The following IP6K1 variants were observed in gnomAD, a reference collection of about 807,000 sequenced individuals.
IP6K1 encodes the protein ATP:1D-myo-inositol-hexakisphosphate phosphotransferase.
Under a neutral mutation model 38.3 loss-of-function variants are expected in IP6K1, and 13 were observed. The ratio of observed to expected loss-of-function variants is 0.34; its 90% CI spans 0.22 to 0.54. The LOEUF (loss-of-function observed/expected upper bound fraction) is 0.54. Among genes scored for constraint, IP6K1 ranks in the 20% least tolerant of loss-of-function variants. IP6K1 has a pLI of 0.92. For synonymous variants in IP6K1, 212 were observed against 229.9 expected, an observed-to-expected ratio of 0.92 and a Z score of 0.70; for missense variants, 397 against 599.8, an observed-to-expected ratio of 0.66 and a Z score of 3.53.
intron 1 of IP6K1, among the ~76,000 whole-genome samples, chr3:49,765,382 C>T (rs1311130211): frequency 6.6e-6 from 1 of 151,682 alleles, no homozygotes; most frequent in Non-Finnish European, 1.5e-5. Flanking sequence ...TGGCTCACGC[C>T]TGTAATCCCA....
intron 1 of IP6K1, among the ~76,000 whole-genome samples, chr3:49,776,080 T>C (rs912425026): frequency 1.3e-5 from 2 of 151,886 alleles, no homozygotes; most frequent in Non-Finnish European, 2.9e-5. Context: ...AGCCATTTAC[T>C]CTTTTAACAC....
intron 2 of IP6K1, among the ~76,000 whole-genome samples, chr3:49,746,757 G>A (rs1278805885): frequency 6.6e-6 from 1 of 150,756 alleles, no homozygotes; most frequent in African/African-American, 2.4e-5. Flanking sequence ...TGACATGAAC[G>A]AACCTTGTAA....
chr3:49,730,211 G>GT (rs570006882), intron 4 of IP6K1, among the ~76,000 whole-genome samples: 10 of 151,816 alleles, frequency 6.6e-5, no homozygotes, highest in African/African-American at 1.9e-4. Context: ...AATTTTTAAT[G>GT]TTTTTTTTAG....
chr3:49,727,690 G>T lies in IP6K1; in HGVS notation c.793-35C>A, dbSNP rs755610265. ...CAGGAGGCAGACAGGGTGAGTGCCAGGGAAGTCTGAAGAGCTCACAGTGCC... is the reference window on the plus strand; with the variant it reads ...CAGGAGGCAGACAGGGTGAGTGCCATGGAAGTCTGAAGAGCTCACAGTGCC... On this transcript the variant is annotated intron_variant, in intron 5 of 5. Coordinates refer to ENST00000321599, the MANE Select transcript of IP6K1 (RefSeq NM_153273.4). The surrounding 1 kb of genome is among the most constrained non-coding windows in gnomAD (Gnocchi z 5.9). 6.3e-7 allele frequency: 1 copy of T among 1,597,190 alleles called. No homozygotes were observed. Among genetic ancestry groups the T allele is most frequent in the African/African-American group, 1.3e-5 (1 of 74,646 alleles).
intron 1 of IP6K1, among the ~76,000 whole-genome samples, chr3:49,774,670 T>C (rs1379588090): frequency 6.6e-6 from 1 of 152,152 alleles, no homozygotes; most frequent in Non-Finnish European, 1.5e-5. Flanking sequence ...TGAATACTTA[T>C]CAACAAAAGC....
At chr3:49,774,870 C>A (rs2108261252) in intron 1 of IP6K1, among the ~76,000 whole-genome samples, 1 of 151,600 alleles carries the variant, frequency 6.6e-6, no homozygotes, top group African/African-American at 2.4e-5. Context: ...GGCCTCTGGT[C>A]ATAATTTCTT....
At chr3:49,765,654 A>AG (rs2080904878) in intron 1 of IP6K1, among the ~76,000 whole-genome samples, 1 of 151,624 alleles carries the variant, frequency 6.6e-6, no homozygotes, top group Non-Finnish European at 1.5e-5. Context: ...TTAAAAAAAA[A>AG]AAAAAAAAAA....
intron 1 of IP6K1, among the ~76,000 whole-genome samples, chr3:49,772,222 A>ATAT (rs879565183): frequency 5.8e-5 from 8 of 137,100 alleles, no homozygotes; most frequent in African/African-American, 1.7e-4. Flanking sequence ...CTTAAAAAAA[A>ATAT]AAATATATAT....
At chr3:49,728,433 C>A in intron 4 of IP6K1, 155 bp from the exon 5 acceptor site, 1 of 643,154 alleles carries the variant, frequency 1.6e-6, no homozygotes, top group Non-Finnish European at 2.7e-6. Context: ...TGGCTTATTA[C>A]TTAACCAATA....
At chr3:49,735,837 T>A (rs550216853) in intron 3 of IP6K1, among the ~76,000 whole-genome samples, 1 of 152,236 alleles carries the variant, frequency 6.6e-6, no homozygotes, top group African/African-American at 2.4e-5. Context: ...TGATCTGATA[T>A]CACAGATGAA....
In IP6K1 at chr3:49,724,617, T is replaced by C. The variant is rs2080479428; in HGVS notation, c.*2505A>G. On this transcript the variant is annotated 3_prime_UTR_variant, in exon 6 of 6. Transcript: ENST00000321599. ...AATATATTTTAAGTCAGCACAAACA[T>C]AACCAAATTGTACAGCTTTAAAGTT... 6.6e-6 allele frequency: 1 copy of C among 152,552 alleles called. No individual in the cohort carries two copies. Among genetic ancestry groups the C allele is most frequent in the Admixed American group, 6.5e-5 (1 of 15,282 alleles). The allele number at this position is 152,552 out of a possible 1,614,324, so 9.4% of individuals were successfully genotyped here. A position where few individuals can be genotyped will look rare whatever the true frequency, so the allele number is the denominator to read the frequency against.
At position 49,727,259 on chromosome 3, in the gene IP6K1, T is replaced by C. The variant is rs2080515179; in HGVS notation, c.1189A>G (p.Met397Val). The change falls in exon 6 of 6, where the codon ATG becomes GTG. Residue 397 changes from methionine to valine, a missense_variant. Coordinates refer to ENST00000321599, the MANE Select transcript of IP6K1 (RefSeq NM_153273.4). This position sits in a 1 kb window ranked among gnomAD's most constrained non-coding sequence, Gnocchi z 5.9. The part of the protein sequence containing the change: ...PSSQPKVDVR[M>V]IDFAHSTFKG... ...AATGTGCTGTGTGCAAAGTCAATCATGCGGACATCCACCTTGGGCTGAGAG... is the reference window on the plus strand; with the variant it reads ...AATGTGCTGTGTGCAAAGTCAATCACGCGGACATCCACCTTGGGCTGAGAG... 1 of 1,614,028 alleles carries C rather than the reference T, an allele frequency of 6.2e-7. No individual in the cohort carries two copies. Among genetic ancestry groups the C allele is most frequent in the Admixed American group, 1.7e-5 (1 of 59,992 alleles).
At chr3:49,757,507 T>C (rs991424231) in intron 1 of IP6K1, among the ~76,000 whole-genome samples, 1 of 151,760 alleles carries the variant, frequency 6.6e-6, no homozygotes, top group Non-Finnish European at 1.5e-5. Context: ...GTGGATCGCC[T>C]GAGCTCAGGA....
At chr3:49,744,809 C>G (rs1043944371) in intron 2 of IP6K1, among the ~76,000 whole-genome samples, 1 of 152,128 alleles carries the variant, frequency 6.6e-6, no homozygotes, top group Non-Finnish European at 1.5e-5. Flanking sequence ...TGATTACTAG[C>G]CCACACACAT....
At chr3:49,750,350 A>G (rs2080762100) in intron 1 of IP6K1, among the ~76,000 whole-genome samples, 1 of 152,162 alleles carries the variant, frequency 6.6e-6, no homozygotes, top group Non-Finnish European at 1.5e-5. Flanking sequence ...TGGCTGGGAA[A>G]AGATAGGGGT....
rs201227719 is a variant in IP6K1 at position 49,770,606 on chromosome 3, C to T, written c.-129+15748G>A. On this transcript the variant is annotated intron_variant, in intron 1 of 5. Transcript: ENST00000321599. ...GGTGTAGTGAGCGGAGATCATGCCA[C>T]TGCACTCCAGCCTGGGTGACAGAAC... Among the ~76,000 whole-genome samples the T allele has an allele frequency of 1.3e-4, 20 of 152,204 alleles. No individual in the cohort carries two copies. In the East Asian group the frequency reaches 3.9e-3, roughly 29 times the overall value.
intron 1 of IP6K1, among the ~76,000 whole-genome samples, chr3:49,771,488 A>C (rs2080959570): frequency 6.6e-6 from 1 of 152,200 alleles, no homozygotes; most frequent in Non-Finnish European, 1.5e-5. Flanking sequence ...GAAAATTAAA[A>C]CCACAATGAG....
intron 2 of IP6K1, among the ~76,000 whole-genome samples, chr3:49,746,832 G>A (rs1005524813): frequency 2.0e-5 from 3 of 152,092 alleles, no homozygotes; most frequent in Admixed American, 6.6e-5. Context: ...TCACTTTTAT[G>A]AAATATCTAC....
At chr3:49,768,920 T>C (rs1454157740) in intron 1 of IP6K1, among the ~76,000 whole-genome samples, 1 of 152,136 alleles carries the variant, frequency 6.6e-6, no homozygotes, top group Non-Finnish European at 1.5e-5. Flanking sequence ...AAAACATCAT[T>C]GTGAATGTAT....
Sources: allele counts gnomAD v4.1 joint callset (sites outside exome capture counted in the v4.1 genomes callset), GRCh38; gene constraint gnomAD v4.1.1; non-coding constraint Gnocchi (gnomAD v3.1); transcripts MANE v1.5; gene names NCBI Gene and HGNC (gene_info 2026-07-23, HGNC 2026-07-21).